The following LRRC39 variants were observed in gnomAD, a reference collection of about 807,000 sequenced individuals.
LRRC39 encodes the protein leucine-rich repeat-containing protein 39.
Under a neutral mutation model 39.7 loss-of-function variants are expected in LRRC39, and 35 were observed. That is an observed-to-expected ratio of 0.88 (90% CI 0.67 to 1.17). LRRC39 has a LOEUF of 1.17. Ranked by LOEUF, LRRC39 falls within the 50% of genes most tolerant of loss-of-function variation. The pLI is 0.00. For missense variants in LRRC39, 357 were observed against 385.8 expected (o/e 0.93, Z 0.62); for synonymous variants, 113 against 134.1 (o/e 0.84, Z 1.09).
Position 100,159,370 on chromosome 1 carries a change from G to A in LRRC39, c.265C>T (p.Gln89Ter). ...TTCAGCAAACCAGTTCTATGAAGTT[G>A]CCATTCCTGTAGTTGATTCAGTTTC... ...LLKLNQLQEW[Q>*]LHRTGLLKIP... The change falls in exon 5 of 10, where the codon CAA becomes TAA. Residue 89 changes from glutamine to a stop codon, truncating the protein, a stop_gained. Coordinates refer to ENST00000370137, the MANE Select transcript of LRRC39 (RefSeq NM_144620.4). LOFTEE classifies it high-confidence loss of function. 6.2e-7 allele frequency: 1 copy of A among 1,611,312 alleles called. No homozygotes were observed. Among genetic ancestry groups the A allele is most frequent in the Non-Finnish European group, 8.5e-7 (1 of 1,178,596 alleles).
At chr1:100,154,991 CT>C (rs763359674) in intron 8 of LRRC39, 59 bp downstream of exon 8, 4 of 1,460,848 alleles carry the variant, frequency 2.7e-6, no homozygotes. Context: ...CTCTACAGTA[CT>C]TTTTTCTGTA....
At position 100,149,120 on chromosome 1, in the gene LRRC39, A is replaced by G. The variant is rs1049278075; in HGVS notation, c.953-23T>C. ...GATCTGAAACATACATAACATGTCA[A>G]CACATAATTAGCGTATTTCTGTTTG... is the stretch of plus-strand genomic sequence containing the variant. On this transcript the variant is annotated intron_variant, in intron 9 of 9. Coordinates refer to ENST00000370137, the MANE Select transcript of LRRC39 (RefSeq NM_144620.4). 8 of 1,584,428 alleles carry G rather than the reference A, an allele frequency of 5.0e-6. No homozygotes were observed. In the Admixed American group the frequency reaches 5.8e-5, roughly 12 times the overall value.
chr1:100,150,849 CAGGTGTGG>C (rs1261352267), intron 9 of LRRC39, among the ~76,000 whole-genome samples: 1 of 152,078 alleles, frequency 6.6e-6, no homozygotes, highest in East Asian at 1.9e-4. Context: ...TGCTAAGGGC[CAGGTGTGG>C]TGGCTTACAC....
At chr1:100,150,025 G>A (rs1657813674) in intron 9 of LRRC39, 1 of 152,182 alleles carries the variant, frequency 6.6e-6, no homozygotes, top group Non-Finnish European at 1.5e-5. Flanking sequence ...ACCATCTTCA[G>A]TTGTGCGACC....
chr1:100,157,528 A>G (rs1658557900), intron 6 of LRRC39, among the ~76,000 whole-genome samples: 1 of 152,206 alleles, frequency 6.6e-6, no homozygotes, highest in Non-Finnish European at 1.5e-5. Context: ...CATTAAATTG[A>G]ACTATTAGAA....
chr1:100,157,791 T>G (rs537274766), intron 6 of LRRC39, among the ~76,000 whole-genome samples: 3 of 152,376 alleles, frequency 2.0e-5, no homozygotes, highest in Non-Finnish European at 4.4e-5. Flanking sequence ...TGTCTTTATT[T>G]TTATATGATC....
intron 8 of LRRC39, among the ~76,000 whole-genome samples, chr1:100,154,816 C>CT (rs1204898294): frequency 2.0e-5 from 3 of 152,208 alleles, no homozygotes; most frequent in African/African-American, 7.2e-5. Context: ...GAAGACATTT[C>CT]TTAAAGCTGA....
intron 3 of LRRC39, among the ~76,000 whole-genome samples, chr1:100,161,810 C>G (rs976925237): frequency 3.3e-5 from 5 of 152,170 alleles, no homozygotes; most frequent in African/African-American, 1.2e-4. Context: ...CCACGCCCAG[C>G]TAATTTTTGT....
intron 3 of LRRC39, among the ~76,000 whole-genome samples, chr1:100,163,220 G>T (rs1396064075): frequency 2.6e-5 from 4 of 152,140 alleles, no homozygotes; most frequent in Admixed American, 6.5e-5. Flanking sequence ...TACTAAGACA[G>T]AAATGAAATT....
chr1:100,160,802 T>G (rs1658823994), intron 3 of LRRC39, among the ~76,000 whole-genome samples: 1 of 152,032 alleles, frequency 6.6e-6, no homozygotes, highest in South Asian at 2.1e-4. Flanking sequence ...TTTTTTGTAT[T>G]TTTAGTAGAA....
rs1392293612 is a variant in LRRC39, at chr1:100,148,560, A to G, written c.*482T>C. The G allele has an allele frequency of 2.5e-5, 36 of 1,451,312 alleles. No individual in the cohort carries two copies. The highest frequency in any genetic ancestry group is 3.4e-5 in the Non-Finnish European group (36 of 1,058,510). The allele number at this position is 1,451,312 out of a possible 1,614,324, so 89.9% of individuals were successfully genotyped here. A position where few individuals can be genotyped will look rare whatever the true frequency, so the allele number is the denominator to read the frequency against. On this transcript the variant is annotated 3_prime_UTR_variant, in exon 10 of 10. Transcript: ENST00000370137. ...AACAGTCTCTCAATAAATAGTGACA[A>G]AAATAATTTTTTATAAACTTTTGCA...
intron 3 of LRRC39, among the ~76,000 whole-genome samples, chr1:100,165,052 C>A (rs1211991611): frequency 6.6e-6 from 1 of 152,110 alleles, no homozygotes; most frequent in Non-Finnish European, 1.5e-5. Context: ...AACCTTTGAT[C>A]TCTATATAAT....
At chr1:100,177,884 C>T (rs1247182948) in intron 1 of LRRC39, among the ~76,000 whole-genome samples, 1 of 152,140 alleles carries the variant, frequency 6.6e-6, no homozygotes, top group Non-Finnish European at 1.5e-5. Context: ...CATAATGTGA[C>T]AAGTGAGGTA....
At chr1:100,162,099 C>T (rs1254562199) in intron 3 of LRRC39, among the ~76,000 whole-genome samples, 1 of 151,958 alleles carries the variant, frequency 6.6e-6, no homozygotes, top group Non-Finnish European at 1.5e-5. Flanking sequence ...CTAGTGGGTG[C>T]GAATGGTATC....
chr1:100,170,144 T>G (rs1261914443), intron 2 of LRRC39, among the ~76,000 whole-genome samples: 1 of 152,154 alleles, frequency 6.6e-6, no homozygotes, highest in Non-Finnish European at 1.5e-5. Context: ...CCTAAGTATA[T>G]AGAAACAGAA....
upstream of LRRC39, among the ~76,000 whole-genome samples, chr1:100,179,451 C>T (rs1660150845): frequency 8.4e-6 from 1 of 119,440 alleles, no homozygotes; most frequent in South Asian, 2.8e-4. Flanking sequence ...CACTTGAGCC[C>T]AGGAGCTGGA....
At chr1:100,167,510 C>T (rs1659329420) in intron 3 of LRRC39, among the ~76,000 whole-genome samples, 1 of 152,144 alleles carries the variant, frequency 6.6e-6, no homozygotes, top group South Asian at 2.1e-4. Context: ...CATGGTGGCT[C>T]ATGCCTGTAA....
chr1:100,150,465 A>C (rs2101756797), intron 9 of LRRC39: 1 of 152,346 alleles, frequency 6.6e-6, no homozygotes, highest in South Asian at 2.1e-4. Flanking sequence ...TCAACAATTT[A>C]TGCCCAGAAA....
intron 8 of LRRC39, 50 bp from the exon 9 acceptor site, chr1:100,152,574 CATTT>C (rs1353138657): frequency 6.4e-7 from 1 of 1,572,830 alleles, no homozygotes; most frequent in African/African-American, 1.4e-5. Flanking sequence ...TGGAAGTGTA[CATTT>C]ATTTCCCTGG....
Sources: allele counts gnomAD v4.1 joint callset (sites outside exome capture counted in the v4.1 genomes callset), GRCh38; gene constraint gnomAD v4.1.1; transcripts MANE v1.5; gene names NCBI Gene and HGNC (gene_info 2026-07-23, HGNC 2026-07-21).